Variants in NFIC observed in about 807,000 individuals in gnomAD.
NFIC encodes the protein nuclear factor I C.
A neutral mutation model predicts 54.4 loss-of-function variants in NFIC; 12 were observed. The ratio of observed to expected loss-of-function variants is 0.22; its 90% CI spans 0.14 to 0.36. The LOEUF is 0.36. Among genes scored for constraint, NFIC ranks in the 10% least tolerant of loss-of-function variants. NFIC has a pLI of 1.00. For missense variants in NFIC, 575 were observed against 718.2 expected, an observed-to-expected ratio of 0.80 and a Z score of 2.28; for synonymous variants, 322 against 319.2, an observed-to-expected ratio of 1.01 and a Z score of -0.09.
chr19:3,361,292 G>T (rs2080807830), intron 1 of NFIC, among the ~76,000 whole-genome samples: 1 of 152,152 alleles, frequency 6.6e-6, no homozygotes, highest in African/African-American at 2.4e-5. Context: ...AAGTCCCGAG[G>T]GGTGGGTGGT....
In NFIC at chr19:3,468,565, G is replaced by A. The variant is rs941402232; in HGVS notation, c.*5796G>A. 2 of 152,070 alleles carry A rather than the reference G, an allele frequency of 1.3e-5. No homozygotes were observed. Among genetic ancestry groups the A allele is most frequent in the African/African-American group, 4.8e-5 (2 of 41,388 alleles). The allele number at this position is 152,070 out of a possible 1,614,324, so 9.4% of individuals were successfully genotyped here. ...CTCCAGGGGGACAGGATGGGGCAGG[G>A]CATACAGTGGGGGGTGGGGGGGCAG... On this transcript the variant is annotated 3_prime_UTR_variant, in exon 11 of 11. Coordinates refer to ENST00000443272, the MANE Select transcript of NFIC (RefSeq NM_001245002.2).
intron 1 of NFIC, among the ~76,000 whole-genome samples, chr19:3,372,909 A>G (rs866818486): frequency 7.9e-5 from 12 of 152,036 alleles, no homozygotes; most frequent in African/African-American, 2.7e-4. Context: ...CAGTAGCACA[A>G]TCTGGGCTCA....
At chr19:3,380,959 C>T (rs1166563977) in intron 1 of NFIC, among the ~76,000 whole-genome samples, 4 of 152,134 alleles carry the variant, frequency 2.6e-5, no homozygotes, top group Admixed American at 6.6e-5. Context: ...CAGCCCAACC[C>T]TAGCTGCAAT....
chr19:3,464,161 C>T lies in NFIC; in HGVS notation c.*1392C>T, dbSNP rs1599739237. ...CCCAGCGAAGGGGGACCGCCGTTTG[C>T]ACTTTCATCGCCTACCCCGACGCGG... On this transcript the variant is annotated 3_prime_UTR_variant, in exon 11 of 11. Transcript: ENST00000443272. 1 of 985,410 alleles carries T rather than the reference C, an allele frequency of 1.0e-6. No homozygotes were observed. 61.0% of individuals were successfully genotyped at this position (985,410 alleles called of 1,614,324 possible). A position where few individuals can be genotyped will look rare whatever the true frequency, so the allele number is the denominator to read the frequency against.
chr19:3,386,946 C>A (rs1599590932), intron 2 of NFIC, among the ~76,000 whole-genome samples: 1 of 152,216 alleles, frequency 6.6e-6, no homozygotes, highest in Non-Finnish European at 1.5e-5. Context: ...GTGGTTGTCA[C>A]CCTGACAGCA....
intron 10 of NFIC, among the ~76,000 whole-genome samples, chr19:3,462,266 C>G (rs1487499510): frequency 6.6e-6 from 1 of 151,518 alleles, no homozygotes; most frequent in Non-Finnish European, 1.5e-5. Context: ...CCTGTAATCC[C>G]AGCTACTCGG....
chr19:3,442,202 C>T (rs561004193), intron 6 of NFIC, among the ~76,000 whole-genome samples: 7 of 152,316 alleles, frequency 4.6e-5, no homozygotes, highest in African/African-American at 1.4e-4. Flanking sequence ...CCTGCTTACG[C>T]GGCTGCGTGG....
intron 1 of NFIC, among the ~76,000 whole-genome samples, chr19:3,373,535 T>G (rs1302144958): frequency 6.6e-6 from 1 of 151,058 alleles, no homozygotes; most frequent in Non-Finnish European, 1.5e-5. Context: ...ATGACCCATT[T>G]CTCCATCAGA....
chr19:3,446,282 C>T (rs2082373352), intron 6 of NFIC, among the ~76,000 whole-genome samples: 3 of 152,178 alleles, frequency 2.0e-5, no homozygotes, highest in Admixed American at 6.5e-5. Context: ...GACATAGTCT[C>T]GTGGAGGGTC....
chr19:3,445,957 G>T (rs188689715), intron 6 of NFIC, among the ~76,000 whole-genome samples: 7 of 152,306 alleles, frequency 4.6e-5, no homozygotes, highest in Admixed American at 4.6e-4. Flanking sequence ...CCACTGAGGG[G>T]CGCTCTTGGC....
intron 1 of NFIC, among the ~76,000 whole-genome samples, chr19:3,372,719 G>A (rs1320844527): frequency 6.7e-6 from 1 of 148,950 alleles, no homozygotes; most frequent in Admixed American, 6.6e-5. Flanking sequence ...GGGTGGGGGG[G>A]TGCCAGGAGG....
At position 3,456,484 on chromosome 19, in the gene NFIC, G is replaced by A. The variant is rs76781908; in HGVS notation, c.1424-66G>A. On this transcript the variant is annotated intron_variant, in intron 9 of 10. Transcript: ENST00000443272. Reference sequence around the variant, plus strand: ...GCCTGGCGGTGGCCACCCTCTCTGGGGCCAGGGCCGCCCCGGCTCCCACAA... The same window carrying A: ...GCCTGGCGGTGGCCACCCTCTCTGGAGCCAGGGCCGCCCCGGCTCCCACAA... The A allele has an allele frequency of 6.5e-4, 973 of 1,502,922 alleles. 6 individuals are homozygous for A. In the African/African-American group the frequency reaches 0.012, roughly 19 times the overall value. 93.1% of individuals were successfully genotyped at this position (1,502,922 alleles called of 1,614,324 possible). A position where few individuals can be genotyped will look rare whatever the true frequency, so the allele number is the denominator to read the frequency against.
chr19:3,454,949 G>A (rs2082529082), intron 9 of NFIC, among the ~76,000 whole-genome samples: 1 of 152,204 alleles, frequency 6.6e-6, no homozygotes, highest in Non-Finnish European at 1.5e-5. Flanking sequence ...CCCTGGGCTG[G>A]AATCCCACCT....
At chr19:3,439,725 G>A (rs993040580) in intron 6 of NFIC, among the ~76,000 whole-genome samples, 2 of 130,986 alleles carry the variant, frequency 1.5e-5, no homozygotes, top group African/African-American at 5.8e-5. Context: ...GTCTTGCTCT[G>A]TCGCCCAGGC....
chr19:3,461,112 G>A lies in NFIC; in HGVS notation c.1510-1640G>A, dbSNP rs113792711. Among the ~76,000 whole-genome samples, 59 of 149,872 alleles carry A rather than the reference G, an allele frequency of 3.9e-4. 1 individual carries two copies. Among genetic ancestry groups the A allele is most frequent in the African/African-American group, 1.4e-3 (55 of 40,646 alleles). On this transcript the variant is annotated intron_variant, in intron 10 of 10. Coordinates refer to ENST00000443272, the MANE Select transcript of NFIC (RefSeq NM_001245002.2). ...TGCACTCCAGCCTGGTGACAAGAGC[G>A]TGACGCTGTCTCAAAAAATCAACAA...
In NFIC at chr19:3,426,953, G is replaced by C. The variant is rs147960521; in HGVS notation, c.634+1776G>C. On this transcript the variant is annotated intron_variant, in intron 3 of 10. Transcript: ENST00000443272. ...TTTTTTTTTTTTTTTTTGAGACAGA[G>C]TCAGGCTCTGTCGCCCAGGCTAGAG... 4.4e-3 allele frequency among the ~76,000 whole-genome samples: 646 copies of C among 145,244 alleles called. 6 individuals carry two copies. The highest frequency in any genetic ancestry group is 0.018 in the South Asian group (83 of 4,586).
In NFIC at chr19:3,453,925, G is replaced by T. The variant is rs764250000; in HGVS notation, c.1423+9G>T. Reference sequence around the variant, plus strand: ...GTCGCCGACCTCGCCTTGTAAGCACGCGGGAAGCGGTGCCCTGGTGGGGCG... The same window carrying T: ...GTCGCCGACCTCGCCTTGTAAGCACTCGGGAAGCGGTGCCCTGGTGGGGCG... On this transcript the variant is annotated intron_variant, in intron 9 of 10. Coordinates refer to ENST00000443272, the MANE Select transcript of NFIC (RefSeq NM_001245002.2). The surrounding 1 kb of genome is among the most constrained non-coding windows in gnomAD (Gnocchi z 6.7). 1.6e-5 allele frequency: 24 copies of T among 1,522,456 alleles called. No homozygotes were observed. The highest frequency in any genetic ancestry group is 1.7e-4 in the Middle Eastern group (1 of 5,826). 94.3% of individuals were successfully genotyped at this position (1,522,456 alleles called of 1,614,324 possible). A position where few individuals can be genotyped will look rare whatever the true frequency, so the allele number is the denominator to read the frequency against.
At position 3,453,271 on chromosome 19, in the gene NFIC, A is replaced by G. The variant is rs1451349605; in HGVS notation, c.1270-492A>G. On this transcript the variant is annotated intron_variant, in intron 8 of 10. Coordinates refer to ENST00000443272, the MANE Select transcript of NFIC (RefSeq NM_001245002.2). This position sits in a 1 kb window ranked among gnomAD's most constrained non-coding sequence, Gnocchi z 6.7. Reference sequence around the variant, plus strand: ...AAAAAAAGGTTGGGGGGCGGGGGGCAGGAAGACATTGATTACAAAAAAACC... The same window carrying G: ...AAAAAAAGGTTGGGGGGCGGGGGGCGGGAAGACATTGATTACAAAAAAACC... 6.6e-6 allele frequency among the ~76,000 whole-genome samples: 1 copy of G among 152,118 alleles called. No homozygotes were observed. The highest frequency in any genetic ancestry group is 2.4e-5 in the African/African-American group (1 of 41,424).
rs778470859 is a variant in NFIC, at chr19:3,425,129, C to T, written c.586C>T (p.Arg196Trp). ...AGATGCAGAGCAAAGCGGCAGTCCC[C>T]GGACAGGGATGGGCTCTGACCAGGA... is the stretch of plus-strand genomic sequence containing the variant. Reference protein sequence around the residue: ...ERDAEQSGSPRTGMGSDQEDS... With the variant: ...ERDAEQSGSPWTGMGSDQEDS... Residue 196 changes from arginine (R) to tryptophan (W), a missense_variant, in exon 3 of 11, where the codon CGG becomes TGG. By Grantham distance (101) the Arg-to-Trp change is moderately radical. This residue lies in a region of NFIC where 447 missense variants were observed against 526.9 expected (regional missense o/e 0.85). Transcript: ENST00000443272. 6 of 1,613,062 alleles carry T rather than the reference C, an allele frequency of 3.7e-6. No individual in the cohort carries two copies. Among genetic ancestry groups the T allele is most frequent in the African/African-American group, 1.3e-5 (1 of 74,944 alleles).
Sources: gnomAD v4.1 joint callset for allele counts (sites outside exome capture counted in the v4.1 genomes callset) on GRCh38, gnomAD v4.1.1 for gene constraint, gnomAD v4.1.1 regional missense constraint, Gnocchi (gnomAD v3.1) non-coding constraint, MANE v1.5 for transcripts, NCBI Gene and HGNC (gene_info 2026-07-23, HGNC 2026-07-21) for gene names.